Variants in NRP1 observed in about 807,000 individuals in gnomAD.
The protein encoded by NRP1 is neuropilin-1.
In NRP1, 35 loss-of-function variants were observed where a neutral mutation model predicts 106.7. The ratio of observed to expected loss-of-function variants is 0.33; its 90% CI spans 0.25 to 0.43. The LOEUF is 0.43. Ranked by LOEUF, NRP1 falls within the 20% of genes least tolerant of loss-of-function variation. NRP1 has a pLI of 1.00. For missense variants in NRP1, 1,024 were observed against 1,170.4 expected, an observed-to-expected ratio of 0.87 and a Z score of 1.83; for synonymous variants, 437 against 417.9, an observed-to-expected ratio of 1.05 and a Z score of -0.56.
chr10:33,188,936 T>TATATATATATATATATATATAA lies in NRP1; in HGVS notation c.2063-2449_2063-2448insTTATATATATATATATATATAT, dbSNP rs543920885. On this transcript the variant is annotated intron_variant, in intron 13 of 16. Coordinates refer to ENST00000374867, the MANE Select transcript of NRP1 (RefSeq NM_003873.7). ...ATATATATATATATATATATATATA[T>TATATATATATATATATATATAA]AAATTAAAACTGCTCGTGTTGCTCC... Among the ~76,000 whole-genome samples the TATATATATATATATATATATAA allele has an allele frequency of 1.3e-3, 183 of 143,312 alleles. 1 individual carries two copies. Among genetic ancestry groups the TATATATATATATATATATATAA allele is most frequent in the African/African-American group, 4.6e-3 (173 of 37,476 alleles). 94.0% of individuals were successfully genotyped at this position (143,312 alleles called of 152,430 possible). A position where few individuals can be genotyped will look rare whatever the true frequency, so the allele number is the denominator to read the frequency against.
At chr10:33,330,210 C>T (rs956599540) in intron 2 of NRP1, among the ~76,000 whole-genome samples, 11 of 151,974 alleles carry the variant, frequency 7.2e-5, no homozygotes, top group Non-Finnish European at 1.3e-4. Flanking sequence ...TTGCTTTTTC[C>T]ATGTCAAACT....
intron 6 of NRP1, among the ~76,000 whole-genome samples, chr10:33,236,195 C>T (rs942069773): frequency 2.0e-5 from 3 of 152,210 alleles, no homozygotes; most frequent in African/African-American, 7.2e-5. Context: ...AAGATTTTAA[C>T]TTAAAAACTG....
chr10:33,303,795 C>G (rs757241062), intron 2 of NRP1, among the ~76,000 whole-genome samples: 7 of 152,194 alleles, frequency 4.6e-5, no homozygotes, highest in Non-Finnish European at 7.4e-5. Context: ...TATCTGTTTG[C>G]AAGTCCTGAC....
chr10:33,334,229 A>G, intron 1 of NRP1, 81 bp downstream of exon 1: 1 of 1,292,296 alleles, frequency 7.7e-7, no homozygotes, highest in East Asian at 2.6e-5. Flanking sequence ...GATCCCGGGA[A>G]GCCCCGCCTG....
chr10:33,230,592 CA>C (rs1840034624), intron 6 of NRP1, among the ~76,000 whole-genome samples: 1 of 125,274 alleles, frequency 8.0e-6, no homozygotes, highest in Non-Finnish European at 1.6e-5. Context: ...ATTAGTTTCT[CA>C]TATATGTGTG....
At chr10:33,262,143 A>G (rs1842617926) in intron 4 of NRP1, among the ~76,000 whole-genome samples, 1 of 152,244 alleles carries the variant, frequency 6.6e-6, no homozygotes, top group South Asian at 2.1e-4. Flanking sequence ...ATGATGGTGA[A>G]GAACTTCCAA....
intron 9 of NRP1, among the ~76,000 whole-genome samples, chr10:33,208,899 C>CTTTTTTTTT (rs11310131): frequency 5.9e-5 from 5 of 85,272 alleles, no homozygotes; most frequent in Non-Finnish European, 6.5e-5. Flanking sequence ...TTAGAGCAGC[C>CTTTTTTTTT]TTTTTTTTTT....
chr10:33,226,370 G>A (rs943286146), intron 6 of NRP1, 81 bp from the exon 7 acceptor site: 17 of 1,505,414 alleles, frequency 1.1e-5, no homozygotes, highest in South Asian at 1.1e-4. Flanking sequence ...TGGGCTCCAC[G>A]TTGTGGTTTT....
chr10:33,317,134 A>T (rs1008032671), intron 2 of NRP1, among the ~76,000 whole-genome samples: 1 of 152,256 alleles, frequency 6.6e-6, no homozygotes, highest in Non-Finnish European at 1.5e-5. Context: ...AATCCCTTCT[A>T]TTGGGTCTCC....
intron 6 of NRP1, among the ~76,000 whole-genome samples, chr10:33,243,747 CA>C (rs1470151145): frequency 3.9e-5 from 6 of 152,178 alleles, no homozygotes; most frequent in Non-Finnish European, 8.8e-5. Context: ...TAGTCTCAAA[CA>C]CTTACTCTGT....
chr10:33,202,580 GAAAA>G (rs1564376042), intron 11 of NRP1: 3 of 879,904 alleles, frequency 3.4e-6, no homozygotes, highest in East Asian at 1.3e-4. Flanking sequence ...GGGGGGGTCT[GAAAA>G]TAATGAAAAT....
intron 2 of NRP1, among the ~76,000 whole-genome samples, chr10:33,272,027 A>C (rs1188485350): frequency 6.6e-6 from 1 of 152,242 alleles, no homozygotes; most frequent in Non-Finnish European, 1.5e-5. Flanking sequence ...AAAATATGGC[A>C]GTAACATAAA....
chr10:33,310,248 CTTTTTTT>C (rs35513274), intron 2 of NRP1, among the ~76,000 whole-genome samples: 1 of 80,148 alleles, frequency 1.2e-5, no homozygotes, highest in Non-Finnish European at 2.2e-5. Context: ...TGCGCCCGGC[CTTTTTTT>C]TTTTTTTTTT....
chr10:33,289,753 A>C (rs1418573632), intron 2 of NRP1, among the ~76,000 whole-genome samples: 1 of 152,124 alleles, frequency 6.6e-6, no homozygotes, highest in African/African-American at 2.4e-5. Flanking sequence ...TATTTCCTTC[A>C]ATTAGGCACC....
At chr10:33,238,272 T>C (rs1840736447) in intron 6 of NRP1, among the ~76,000 whole-genome samples, 2 of 152,186 alleles carry the variant, frequency 1.3e-5, no homozygotes, top group Admixed American at 1.3e-4. Context: ...GTCAATGAAA[T>C]GGCACAGAAA....
At position 33,180,287 on chromosome 10, in the gene NRP1, A is replaced by G; in HGVS notation, c.2561T>C (p.Leu854Ser). 1 of 1,613,994 alleles carries G rather than the reference A, an allele frequency of 6.2e-7. No individual in the cohort carries two copies. Among genetic ancestry groups the G allele is most frequent in the Non-Finnish European group, 8.5e-7 (1 of 1,179,894 alleles). ...SRKPGNVLKTLDPILITIIAM... is the reference protein window; with the variant it reads ...SRKPGNVLKTSDPILITIIAM... ...TATGATGGTGATGAGGATGGGGTCT[A>G]AGGTCTTCAACACATTGCCTGGCTT... Residue 854 changes from leucine (L) to serine (S), a missense_variant, in exon 17 of 17, where the codon TTA (leucine) becomes TCA (serine). Leu to Ser is a moderately radical substitution (Grantham distance 145). Transcript: ENST00000374867.
chr10:33,203,519 T>TA (rs1491474694), intron 10 of NRP1, among the ~76,000 whole-genome samples: 6 of 151,722 alleles, frequency 4.0e-5, no homozygotes, highest in African/African-American at 1.2e-4. Context: ...ACAAAAAAAC[T>TA]AAAAAAACAG....
Position 33,229,592 on chromosome 10 carries a change from C to G in NRP1, c.982-3303G>C, listed in dbSNP as rs141498715. 3.3e-5 allele frequency among the ~76,000 whole-genome samples: 5 copies of G among 152,286 alleles called. No homozygotes were observed. The East Asian group carries it at 7.7e-4, about 24-fold the overall frequency. On this transcript the variant is annotated intron_variant, in intron 6 of 16. Transcript: ENST00000374867. ...GGGCTGATTTGAAACAACCCTAGAA[C>G]TTCATTCCCTGGTTGTCCTTTTTCT...
At chr10:33,326,490 G>A (rs553236366) in intron 2 of NRP1, among the ~76,000 whole-genome samples, 7 of 152,052 alleles carry the variant, frequency 4.6e-5, no homozygotes, top group South Asian at 2.1e-4. Context: ...CACCTTCTTC[G>A]GTCAGAGCAT....
Sources: allele counts gnomAD v4.1 joint callset (sites outside exome capture counted in the v4.1 genomes callset), GRCh38; gene constraint gnomAD v4.1.1; transcripts MANE v1.5; gene names NCBI Gene and HGNC (gene_info 2026-07-23, HGNC 2026-07-21).